MGAT4C: variants seen among roughly 807,000 people sequenced by gnomAD.
The protein encoded by MGAT4C is MGAT4 family member C.
MGAT4C carries 19 observed loss-of-function variants against 40.1 expected under a neutral mutation model. The observed-to-expected ratio is 0.47, with a 90% confidence interval of 0.33 to 0.70. The LOEUF is 0.70. Ranked by LOEUF, MGAT4C falls within the 30% of genes least tolerant of loss-of-function variation. MGAT4C has a pLI of 0.02. For missense variants in MGAT4C, 491 were observed against 563.2 expected (o/e 0.87, Z 1.30); for synonymous variants, 181 against 187.1 (o/e 0.97, Z 0.27).
chr12:86,466,200 G>A (rs1957679661), intron 2 of MGAT4C, among the ~76,000 whole-genome samples: 1 of 111,608 alleles, frequency 9.0e-6, no homozygotes, highest in Non-Finnish European at 1.8e-5. Context: ...AAGAGATCAA[G>A]ACTCCGTCAA....
chr12:86,068,332 A>T (rs936524246), intron 1 of MGAT4C: 1 of 152,072 alleles, frequency 6.6e-6, no homozygotes, highest in Non-Finnish European at 1.5e-5. Flanking sequence ...TATTAGGAAA[A>T]GTAGCAAGTT....
chr12:86,060,648 G>C (rs537779861), intron 1 of MGAT4C, among the ~76,000 whole-genome samples: 1 of 152,248 alleles, frequency 6.6e-6, no homozygotes, highest in East Asian at 1.9e-4. Context: ...AAATCTAAGA[G>C]AGATAGCACA....
chr12:86,107,685 A>G (rs541832611), intron 1 of MGAT4C, among the ~76,000 whole-genome samples: 1 of 152,284 alleles, frequency 6.6e-6, no homozygotes, highest in African/African-American at 2.4e-5. Flanking sequence ...AATTTATGTA[A>G]AATTGTTCTT....
At chr12:86,456,283 T>C (rs534260619) in intron 2 of MGAT4C, among the ~76,000 whole-genome samples, 2 of 152,124 alleles carry the variant, frequency 1.3e-5, no homozygotes, top group East Asian at 3.9e-4. Context: ...GGATAAAATC[T>C]GATAAAAAAA....
At chr12:86,139,337 TC>T (rs904481304) in intron 1 of MGAT4C, among the ~76,000 whole-genome samples, 1 of 152,130 alleles carries the variant, frequency 6.6e-6, no homozygotes, top group Non-Finnish European at 1.5e-5. Flanking sequence ...TCCCTTGATT[TC>T]CTTAAAATTT....
intron 2 of MGAT4C, among the ~76,000 whole-genome samples, chr12:85,995,531 G>A (rs566024640): frequency 1.9e-4 from 29 of 152,242 alleles, no homozygotes; most frequent in Non-Finnish European, 2.9e-4. Context: ...GCGTCCATCA[G>A]CCAGCAAACT....
At chr12:86,058,783 T>C (rs1330471934) in intron 1 of MGAT4C, among the ~76,000 whole-genome samples, 4 of 152,162 alleles carry the variant, frequency 2.6e-5, no homozygotes, top group East Asian at 1.9e-4. Context: ...CAACACATGC[T>C]TGAACATCTA....
intron 2 of MGAT4C, among the ~76,000 whole-genome samples, chr12:86,587,525 A>G (rs1025791632): frequency 6.6e-5 from 10 of 152,030 alleles, no homozygotes; most frequent in African/African-American, 2.4e-4. Flanking sequence ...CATTGAATCT[A>G]TAAATTACCT....
At chr12:86,361,880 T>G (rs1446218793) in intron 3 of MGAT4C, among the ~76,000 whole-genome samples, 1 of 152,202 alleles carries the variant, frequency 6.6e-6, no homozygotes, top group Admixed American at 6.5e-5. Context: ...TCCTTTACCC[T>G]GTTGGTGGGA....
intron 1 of MGAT4C, among the ~76,000 whole-genome samples, chr12:86,828,804 A>G (rs1952859298): frequency 1.3e-5 from 2 of 151,542 alleles, no homozygotes; most frequent in South Asian, 4.1e-4. Context: ...ACGTCCAAAA[A>G]AGCAAAGATA....
intron 1 of MGAT4C, among the ~76,000 whole-genome samples, chr12:86,118,683 T>C (rs928493780): frequency 2.6e-5 from 4 of 152,164 alleles, no homozygotes; most frequent in Admixed American, 6.5e-5. Flanking sequence ...AAATTAGATA[T>C]GTTTCTATAT....
intron 2 of MGAT4C, among the ~76,000 whole-genome samples, chr12:86,702,294 T>A (rs1950376945): frequency 6.6e-6 from 1 of 151,750 alleles, no homozygotes; most frequent in Non-Finnish European, 1.5e-5. Context: ...GTCCTCCCAC[T>A]TTGGCCTCCC....
intron 1 of MGAT4C, among the ~76,000 whole-genome samples, chr12:86,759,780 T>C (rs558381486): frequency 6.6e-6 from 1 of 152,250 alleles, no homozygotes; most frequent in Admixed American, 6.5e-5. Flanking sequence ...ATATATTGAA[T>C]GTTAATATTT....
chr12:86,085,982 C>G (rs1871751055), intron 1 of MGAT4C, among the ~76,000 whole-genome samples: 1 of 151,958 alleles, frequency 6.6e-6, no homozygotes, highest in Non-Finnish European at 1.5e-5. Flanking sequence ...GACAGTGTGG[C>G]AATTCCTCAA....
chr12:86,809,743 CT>C (rs1467819972), intron 1 of MGAT4C, among the ~76,000 whole-genome samples: 2 of 151,572 alleles, frequency 1.3e-5, no homozygotes, highest in Admixed American at 1.3e-4. Context: ...TTTGATTTTT[CT>C]TTTTGTGTAT....
chr12:86,775,259 A>C (rs1384550396), intron 1 of MGAT4C, among the ~76,000 whole-genome samples: 1 of 152,080 alleles, frequency 6.6e-6, no homozygotes, highest in African/African-American at 2.4e-5. Context: ...TACTGAACAT[A>C]GTATAAAACT....
intron 2 of MGAT4C, among the ~76,000 whole-genome samples, chr12:86,576,607 C>T (rs905207610): frequency 6.6e-6 from 1 of 151,806 alleles, no homozygotes; most frequent in Non-Finnish European, 1.5e-5. Flanking sequence ...TTCTTGCCAG[C>T]TTTGTCAAAA....
At chr12:86,363,442 G>A (rs1383724535) in intron 3 of MGAT4C, among the ~76,000 whole-genome samples, 2 of 152,094 alleles carry the variant, frequency 1.3e-5, no homozygotes, top group Non-Finnish European at 2.9e-5. Flanking sequence ...AACATAAAAT[G>A]TGTAGGATGC....
intron 2 of MGAT4C, among the ~76,000 whole-genome samples, chr12:86,553,093 C>T (rs1384934175): frequency 6.6e-6 from 1 of 152,060 alleles, no homozygotes; most frequent in Admixed American, 6.5e-5. Flanking sequence ...AAAGTAATTT[C>T]AGAGCTTGTG....
Sources: allele counts gnomAD v4.1 joint callset (sites outside exome capture counted in the v4.1 genomes callset), GRCh38; gene constraint gnomAD v4.1.1; transcripts MANE v1.5; gene names NCBI Gene and HGNC (gene_info 2026-07-23, HGNC 2026-07-21).